DNAH10: variants seen among roughly 807,000 people sequenced by gnomAD.
DNAH10 encodes axonemal beta dynein heavy chain 10.
A neutral mutation model predicts 506.6 loss-of-function variants in DNAH10; 348 were observed. The observed-to-expected ratio is 0.69, with a 90% CI of 0.63 to 0.75. The LOEUF (loss-of-function observed/expected upper bound fraction) is 0.75. Ranked by LOEUF, DNAH10 falls within the 30% of genes least tolerant of loss-of-function variation. The pLI is 0.00. For synonymous variants in DNAH10, 2,059 were observed against 2,198.6 expected (o/e 0.94, Z 1.78); for missense variants, 5,179 against 5,787.1 (o/e 0.89, Z 3.41).
In DNAH10 at chr12:123,851,163, C is replaced by T. The variant is rs535604402; in HGVS notation, c.6291+87C>T. On this transcript the variant is annotated intron_variant, in intron 35 of 78. Transcript: ENST00000673944. ...CTGGGGACCTAGGACGCGTTAGCTC[C>T]GTGTGGCTCTTCCAGACGGGACCTA... 424 of 1,396,824 alleles carry T rather than the reference C, an allele frequency of 3.0e-4. 1 individual carries two copies. The highest frequency in any genetic ancestry group is 3.6e-4 in the Non-Finnish European group (381 of 1,053,966). The allele number at this position is 1,396,824 out of a possible 1,614,324, so 86.5% of individuals were successfully genotyped here. A position where few individuals can be genotyped will look rare whatever the true frequency, so the allele number is the denominator to read the frequency against.
chr12:123,890,609 C>T (rs1415105539), intron 52 of DNAH10, among the ~76,000 whole-genome samples: 1 of 152,106 alleles, frequency 6.6e-6, no homozygotes, highest in Admixed American at 6.6e-5. Flanking sequence ...CTAAAAGATC[C>T]CTCCAGTGCG....
At chr12:123,803,600 G>C in intron 16 of DNAH10, 61 bp from the exon 17 acceptor site, 2 of 1,416,440 alleles carry the variant, frequency 1.4e-6, no homozygotes, top group East Asian at 2.6e-5. Context: ...AGACGTTGGT[G>C]GGGGGATGTG....
In DNAH10 at chr12:123,824,039, G is replaced by A. The variant is rs562741950; in HGVS notation, c.4180-2648G>A. Among the ~76,000 whole-genome samples the A allele has an allele frequency of 9.2e-5, 14 of 152,250 alleles. No individual in the cohort carries two copies. The South Asian group carries it at 2.9e-3, about 32-fold the overall frequency. Reference sequence around the variant, plus strand: ...TTTTCAAAGTTGTGTGCTGAGAAGAGTCTCAGTGACACACTGGGTGGCTTC... The same window carrying A: ...TTTTCAAAGTTGTGTGCTGAGAAGAATCTCAGTGACACACTGGGTGGCTTC... On this transcript the variant is annotated intron_variant, in intron 24 of 78. Coordinates refer to ENST00000673944, the MANE Select transcript of DNAH10 (RefSeq NM_001372106.1).
intron 4 of DNAH10, 69 bp from the exon 5 acceptor site, chr12:123,774,080 C>G: frequency 2.0e-6 from 2 of 985,186 alleles, no homozygotes; most frequent in Admixed American, 2.5e-5. Flanking sequence ...GATTCCTGTT[C>G]TCTTGGAAAT....
At chr12:123,794,150 TAC>T (rs1207325664) in intron 12 of DNAH10, 38 bp downstream of exon 12, 1 of 1,099,050 alleles carries the variant, frequency 9.1e-7, no homozygotes, top group African/African-American at 1.7e-5. Flanking sequence ...GCATTAAAAA[TAC>T]ACTTGGCAAA....
intron 51 of DNAH10, among the ~76,000 whole-genome samples, chr12:123,882,913 T>C (rs1952572655): frequency 6.6e-6 from 1 of 151,438 alleles, no homozygotes; most frequent in Non-Finnish European, 1.5e-5. Context: ...CCTGAGCAAC[T>C]AACGGACTAA....
chr12:123,920,033 C>A (rs964088385), intron 65 of DNAH10, among the ~76,000 whole-genome samples: 2 of 152,184 alleles, frequency 1.3e-5, no homozygotes, highest in African/African-American at 4.8e-5. Context: ...GAGGAACTGC[C>A]AAACTGTTTT....
chr12:123,777,943 A>G (rs113630336), intron 5 of DNAH10, among the ~76,000 whole-genome samples: 12,039 of 152,216 alleles, frequency 0.079, 664 homozygotes, highest in African/African-American at 0.16. Flanking sequence ...GATTGCAGGC[A>G]TGAGCCACCA....
Position 123,931,791 on chromosome 12 carries a change from G to T in DNAH10, c.13072G>T (p.Glu4358Ter), listed in dbSNP as rs199945399. ...TTCGGTGGTGCTCCTGCAGGAACTG[G>T]AACGCTTCAACAAGCTTGTGGTCCG... ...PTSVVLLQEL[E>*]RFNKLVVRMT... Residue 4358 changes from glutamate (E) to a stop codon, truncating the protein, a stop_gained, in exon 75 of 79, where the codon GAA (glutamate) becomes TAA (stop). Coordinates refer to ENST00000673944, the MANE Select transcript of DNAH10 (RefSeq NM_001372106.1). LOFTEE classifies it high-confidence loss of function. 3.3e-4 allele frequency: 531 copies of T among 1,613,928 alleles called. No homozygotes were observed. Among genetic ancestry groups the T allele is most frequent in the Non-Finnish European group, 4.3e-4 (509 of 1,179,904 alleles).
chr12:123,766,908 C>CTTT (rs374930458), intron 1 of DNAH10, among the ~76,000 whole-genome samples: 6 of 137,930 alleles, frequency 4.4e-5, no homozygotes, highest in Admixed American at 1.5e-4. Flanking sequence ...TTTCTTTTTT[C>CTTT]TTTTTTTTTT....
In DNAH10 at chr12:123,865,498, T is replaced by A. The variant is rs190956247; in HGVS notation, c.7045-453T>A. ...TCTGATTAGCTGACTGAACTATATT[T>A]TTTTTGTAGAGAGAGCTAGGTTTGT... is the stretch of plus-strand genomic sequence containing the variant. On this transcript the variant is annotated intron_variant, in intron 40 of 78. Transcript: ENST00000673944. Among the ~76,000 whole-genome samples, 318 of 152,306 alleles carry A rather than the reference T, an allele frequency of 2.1e-3. 1 individual carries two copies. Among genetic ancestry groups the A allele is most frequent in the Non-Finnish European group, 3.5e-3 (239 of 68,020 alleles).
intron 60 of DNAH10, among the ~76,000 whole-genome samples, chr12:123,914,107 G>A (rs796438592): frequency 2.0e-5 from 3 of 152,298 alleles, no homozygotes; most frequent in African/African-American, 7.2e-5. Flanking sequence ...GGCCTTTACT[G>A]AGCCCCCTGC....
At position 123,857,207 on chromosome 12, in the gene DNAH10, A is replaced by G. The variant is rs1215461018; in HGVS notation, c.6590A>G (p.Gln2197Arg). The G allele has an allele frequency of 6.2e-7, 1 of 1,600,074 alleles. No homozygotes were observed. Among genetic ancestry groups the G allele is most frequent in the Non-Finnish European group, 8.5e-7 (1 of 1,172,922 alleles). The stretch of plus-strand genomic sequence containing the variant: ...CCTGACTTCAACGATGCGGTAGAGC[A>G]GGTCCTGGAGGAGAACGGCTACGCG... ...RYPDFNDAVE[Q>R]VLEENGYAVL... Residue 2197 changes from glutamine to arginine, a missense_variant, in exon 37 of 79, where the codon CAG (glutamine) becomes CGG (arginine). Physicochemically the swap from Gln to Arg is conservative, Grantham distance 43. This residue lies in a region of DNAH10 where 4,844 missense variants were observed against 5,430.5 expected (regional missense o/e 0.89). Coordinates refer to ENST00000673944, the MANE Select transcript of DNAH10 (RefSeq NM_001372106.1).
At position 123,928,859 on chromosome 12, in the gene DNAH10, C is replaced by CA. The variant is rs1056899368; in HGVS notation, c.12306+272_12306+273insA. ...GCTACTTTTCATAAACTTCACGGCC[C>CA]CCCCCCCCACACACAGCCTGCAGTT... On this transcript the variant is annotated intron_variant, in intron 70 of 78. Coordinates refer to ENST00000673944, the MANE Select transcript of DNAH10 (RefSeq NM_001372106.1). The surrounding 1 kb of genome is among the most constrained non-coding windows in gnomAD (Gnocchi z 4.9). The CA allele has an allele frequency of 4.3e-6, 2 of 462,504 alleles. No individual in the cohort carries two copies. The highest frequency in any genetic ancestry group is 8.2e-5 in the Admixed American group (2 of 24,246). 28.7% of individuals were successfully genotyped at this position (462,504 alleles called of 1,614,324 possible).
chr12:123,851,120 C>T, intron 35 of DNAH10, 44 bp downstream of exon 35: 1 of 1,520,748 alleles, frequency 6.6e-7, no homozygotes, highest in Non-Finnish European at 8.8e-7. Flanking sequence ...GCAGACTTCA[C>T]CCGGGTCTGC....
chr12:123,896,345 C>T (rs1003687942), intron 54 of DNAH10, among the ~76,000 whole-genome samples: 5 of 152,132 alleles, frequency 3.3e-5, no homozygotes, highest in Admixed American at 2.6e-4. Flanking sequence ...CTGGATTAAT[C>T]GGTACTTTCA....
chr12:123,784,326 C>G, intron 8 of DNAH10, 149 bp downstream of exon 8: 1 of 772,728 alleles, frequency 1.3e-6, no homozygotes, highest in Non-Finnish European at 2.1e-6. Context: ...GTGGGCAGAT[C>G]GCTTGAGCTC....
intron 16 of DNAH10, among the ~76,000 whole-genome samples, chr12:123,802,290 T>C (rs973724431): frequency 6.6e-6 from 1 of 152,146 alleles, no homozygotes; most frequent in Admixed American, 6.5e-5. Flanking sequence ...GGTAGTTGCA[T>C]GTTTAGTTTA....
In DNAH10 at chr12:123,926,671, A is replaced by G. The variant is rs2137651833; in HGVS notation, c.11956A>G (p.Ile3986Val). Residue 3986 changes from isoleucine to valine, a missense_variant, in exon 69 of 79, where the codon ATT becomes GTT. Physicochemically the swap from Ile to Val is conservative, Grantham distance 29. Around this residue, in one of 3 missense-constraint regions of DNAH10, gnomAD observed 4,844 missense variants for 5,430.5 expected, o/e 0.89. Coordinates refer to ENST00000673944, the MANE Select transcript of DNAH10 (RefSeq NM_001372106.1). This position sits in a 1 kb window ranked among gnomAD's most constrained non-coding sequence, Gnocchi z 4.1. ...VQPPMISFEAIFEQSTPHSPI... is the reference protein window; with the variant it reads ...VQPPMISFEAVFEQSTPHSPI... ...GCCCCCAATGATCAGCTTTGAAGCT[A>G]TTTTTGAGCAGAGCACTCCACATTC... 1 of 1,613,872 alleles carries G rather than the reference A, an allele frequency of 6.2e-7. No homozygotes were observed. Among genetic ancestry groups the G allele is most frequent in the Middle Eastern group, 1.6e-4 (1 of 6,062 alleles).
Sources: allele counts gnomAD v4.1 joint callset (sites outside exome capture counted in the v4.1 genomes callset), GRCh38; gene constraint gnomAD v4.1.1; regional missense constraint gnomAD v4.1.1; non-coding constraint Gnocchi (gnomAD v3.1); transcripts MANE v1.5; gene names NCBI Gene and HGNC (gene_info 2026-07-23, HGNC 2026-07-21).